The following SNX29 variants were observed in gnomAD, a reference collection of about 807,000 sequenced individuals.
SNX29 encodes sorting nexin-29.
A neutral mutation model predicts 102.1 loss-of-function variants in SNX29; 78 were observed. The observed-to-expected ratio is 0.76, with a 90% CI of 0.64 to 0.92. The LOEUF (loss-of-function observed/expected upper bound fraction) is 0.92. SNX29 is among the 40% of genes least tolerant of loss of function. SNX29 has a pLI of 0.00. For missense variants in SNX29, 1,280 were observed against 1,061.7 expected, an observed-to-expected ratio of 1.21 and a Z score of -2.86; for synonymous variants, 580 against 414.5, an observed-to-expected ratio of 1.40 and a Z score of -4.85.
intron 3 of SNX29, among the ~76,000 whole-genome samples, chr16:12,021,319 G>A (rs1044067107): frequency 2.0e-5 from 3 of 151,984 alleles, no homozygotes; most frequent in Non-Finnish European, 4.4e-5. Context: ...CCAGCTCCTT[G>A]GGAGGCTGAG....
chr16:12,013,140 G>A (rs1167316107), intron 3 of SNX29, among the ~76,000 whole-genome samples: 1 of 151,512 alleles, frequency 6.6e-6, no homozygotes, highest in Non-Finnish European at 1.5e-5. Context: ...GAGATTCAGT[G>A]ATTACCCAGA....
rs1458626468 is a variant in SNX29 at position 12,571,726 on chromosome 16, G to A, written c.*3097G>A. 2 of 1,048,250 alleles carry A rather than the reference G, an allele frequency of 1.9e-6. No homozygotes were observed. Among genetic ancestry groups the A allele is most frequent in the Non-Finnish European group, 2.3e-6 (2 of 865,086 alleles). 64.9% of individuals were successfully genotyped at this position (1,048,250 alleles called of 1,614,324 possible). Reference sequence around the variant, plus strand: ...AGCTTCTAAGGGAGGGAGCTTAAAGGCTGCTAGAAACCTAGCCCAACCATC... The same window carrying A: ...AGCTTCTAAGGGAGGGAGCTTAAAGACTGCTAGAAACCTAGCCCAACCATC... On this transcript the variant is annotated 3_prime_UTR_variant, in exon 21 of 21. Transcript: ENST00000566228.
At chr16:12,032,009 C>G (rs1216857422) in intron 4 of SNX29, among the ~76,000 whole-genome samples, 1 of 152,156 alleles carries the variant, frequency 6.6e-6, no homozygotes, top group Non-Finnish European at 1.5e-5. Flanking sequence ...AACACTAACA[C>G]TCACTCCCTC....
intron 4 of SNX29, among the ~76,000 whole-genome samples, chr16:12,030,416 G>C (rs1807774512): frequency 6.6e-6 from 1 of 152,068 alleles, no homozygotes; most frequent in South Asian, 2.1e-4. Context: ...TTAGTAAATG[G>C]CTCTGCCTTT....
intron 15 of SNX29, among the ~76,000 whole-genome samples, chr16:12,285,014 G>A (rs1179097988): frequency 2.6e-5 from 4 of 152,176 alleles, no homozygotes; most frequent in Non-Finnish European, 5.9e-5. Flanking sequence ...ATAGGCATGA[G>A]CCACTGTGCC....
At chr16:12,416,354 G>T (rs2084636204) in intron 18 of SNX29, among the ~76,000 whole-genome samples, 1 of 152,196 alleles carries the variant, frequency 6.6e-6, no homozygotes, top group Non-Finnish European at 1.5e-5. Flanking sequence ...CTGGTGATCT[G>T]TTGCGCAGCA....
intron 19 of SNX29, among the ~76,000 whole-genome samples, chr16:12,486,546 C>T (rs1317307624): frequency 1.3e-5 from 2 of 152,232 alleles, no homozygotes; most frequent in Non-Finnish European, 2.9e-5. Flanking sequence ...CGCTTGGCAG[C>T]GTCAAGGCTG....
At chr16:12,064,465 C>T (rs541708471) in intron 9 of SNX29, among the ~76,000 whole-genome samples, 1 of 152,364 alleles carries the variant, frequency 6.6e-6, no homozygotes, top group African/African-American at 2.4e-5. Context: ...GACCCGAGCT[C>T]CAGCTGATGT....
At chr16:12,281,031 C>T (rs527885238) in intron 15 of SNX29, among the ~76,000 whole-genome samples, 1 of 152,300 alleles carries the variant, frequency 6.6e-6, no homozygotes, top group South Asian at 2.1e-4. Context: ...CCTCAGCCTC[C>T]CAAGTAGCTG....
chr16:12,281,841 C>G (rs922046201), intron 15 of SNX29, among the ~76,000 whole-genome samples: 1 of 151,918 alleles, frequency 6.6e-6, no homozygotes, highest in African/African-American at 2.4e-5. Context: ...GAGAACGAGG[C>G]GGGTGGATCA....
In SNX29 at chr16:12,483,114, G is replaced by GTTTTTGTTTTTTTTTTT. The variant is rs71139598; in HGVS notation, c.2178+5260_2178+5261insGTTTTTTTTTTTTTTTT. On this transcript the variant is annotated intron_variant, in intron 19 of 20. Coordinates refer to ENST00000566228, the MANE Select transcript of SNX29 (RefSeq NM_032167.5). Reference sequence around the variant, plus strand: ...AATAGATACATATTGAAGTTATTAAGTTTTTTTTTTTTTTTTTTTTTTTTT... The same window carrying GTTTTTGTTTTTTTTTTT: ...AATAGATACATATTGAAGTTATTAAGTTTTTGTTTTTTTTTTTTTTTTTTTTTTTTTTTTTTTTTTTT... Among the ~76,000 whole-genome samples the GTTTTTGTTTTTTTTTTT allele has an allele frequency of 8.0e-4, 53 of 66,206 alleles. 9 individuals carry two copies. Among genetic ancestry groups the GTTTTTGTTTTTTTTTTT allele is most frequent in the Admixed American group, 4.7e-3 (23 of 4,858 alleles). 43.4% of individuals were successfully genotyped at this position (66,206 alleles called of 152,430 possible). A position where few individuals can be genotyped will look rare whatever the true frequency, so the allele number is the denominator to read the frequency against.
intron 18 of SNX29, among the ~76,000 whole-genome samples, chr16:12,421,732 A>G (rs956810509): frequency 2.6e-5 from 4 of 152,132 alleles, no homozygotes; most frequent in African/African-American, 9.7e-5. Flanking sequence ...TTCCTCCTCA[A>G]TCAGAAGCAT....
intron 15 of SNX29, among the ~76,000 whole-genome samples, chr16:12,353,512 A>G (rs2082049472): frequency 1.4e-5 from 2 of 140,302 alleles, no homozygotes; most frequent in South Asian, 2.1e-4. Flanking sequence ...GGCTCATACC[A>G]GAACACACAC....
chr16:12,508,755 C>A (rs549890174), intron 19 of SNX29, among the ~76,000 whole-genome samples: 1 of 152,116 alleles, frequency 6.6e-6, no homozygotes, highest in African/African-American at 2.4e-5. Flanking sequence ...AGCTCCAGGG[C>A]GGGGTATAAA....
chr16:12,541,575 C>T (rs956198471), intron 20 of SNX29, among the ~76,000 whole-genome samples: 2 of 152,164 alleles, frequency 1.3e-5, no homozygotes, highest in African/African-American at 2.4e-5. Context: ...AATTGCTCTC[C>T]ATGCCAGACC....
chr16:12,408,889 C>G (rs1297855438), intron 18 of SNX29, among the ~76,000 whole-genome samples: 1 of 152,152 alleles, frequency 6.6e-6, no homozygotes, highest in Non-Finnish European at 1.5e-5. Flanking sequence ...GTCACAGAGC[C>G]CCCACTACTT....
chr16:12,045,874 CT>C (rs1454229088), intron 5 of SNX29, among the ~76,000 whole-genome samples: 1 of 152,040 alleles, frequency 6.6e-6, no homozygotes, highest in Non-Finnish European at 1.5e-5. Context: ...ATCCTCCCCC[CT>C]GGCCTCCTAA....
At chr16:12,064,466 C>T (rs2050928612) in intron 9 of SNX29, among the ~76,000 whole-genome samples, 1 of 152,244 alleles carries the variant, frequency 6.6e-6, no homozygotes, top group Non-Finnish European at 1.5e-5. Context: ...ACCCGAGCTC[C>T]AGCTGATGTC....
intron 13 of SNX29, among the ~76,000 whole-genome samples, chr16:12,182,960 A>ACAT (rs1319617549): frequency 6.8e-6 from 1 of 147,812 alleles, no homozygotes; most frequent in Non-Finnish European, 1.5e-5. Flanking sequence ...AAAAAAAAGG[A>ACAT]CATCATGAGC....
Sources: gnomAD v4.1 joint callset for allele counts (sites outside exome capture counted in the v4.1 genomes callset) on GRCh38, gnomAD v4.1.1 for gene constraint, MANE v1.5 for transcripts, NCBI Gene and HGNC (gene_info 2026-07-23, HGNC 2026-07-21) for gene names.